The following CAMK2B variants were observed in gnomAD, a reference collection of about 807,000 sequenced individuals.
CAMK2B encodes calcium/calmodulin-dependent protein kinase type II subunit beta.
In CAMK2B, 27 loss-of-function variants were observed where a neutral mutation model predicts 93.7. The ratio of observed to expected loss-of-function variants is 0.29; its 90% CI spans 0.21 to 0.40. CAMK2B has a LOEUF of 0.40. Ranked by LOEUF, CAMK2B falls within the 10% of genes least tolerant of loss-of-function variation. The pLI is 1.00. For synonymous variants in CAMK2B, 374 were observed against 358.8 expected (o/e 1.04, Z -0.48); for missense variants, 568 against 895.8 (o/e 0.63, Z 4.67).
intron 1 of CAMK2B, among the ~76,000 whole-genome samples, chr7:44,316,311 G>A (rs961980990): frequency 3.9e-5 from 6 of 152,002 alleles, no homozygotes; most frequent in African/African-American, 7.2e-5. Context: ...TTCTATCAAC[G>A]TGGTGTATTA....
At position 44,224,764 on chromosome 7, in the gene CAMK2B, G is replaced by A. The variant is rs1041885816; in HGVS notation, c.1597+1752C>T. On this transcript the variant is annotated intron_variant, in intron 20 of 23. Transcript: ENST00000395749. The surrounding 1 kb of genome is among the most constrained non-coding windows in gnomAD (Gnocchi z 4.4). Reference sequence around the variant, plus strand: ...TAATCCGCGATTAGAGAGCGTGGGTGGGGAGGAGACGGGGCCTGAGGCGGG... The same window carrying A: ...TAATCCGCGATTAGAGAGCGTGGGTAGGGAGGAGACGGGGCCTGAGGCGGG... Among the ~76,000 whole-genome samples, 2 of 152,138 alleles carry A rather than the reference G, an allele frequency of 1.3e-5. No individual in the cohort carries two copies. The highest frequency in any genetic ancestry group is 1.9e-4 in the East Asian group (1 of 5,200).
chr7:44,304,377 G>A (rs1790882409), intron 1 of CAMK2B, among the ~76,000 whole-genome samples: 1 of 152,126 alleles, frequency 6.6e-6, no homozygotes, highest in Non-Finnish European at 1.5e-5. Context: ...ACAAACTGTG[G>A]TACATCCAGA....
intron 1 of CAMK2B, among the ~76,000 whole-genome samples, chr7:44,319,201 G>A (rs1795482478): frequency 6.6e-6 from 1 of 152,070 alleles, no homozygotes. Context: ...TAAATTTTTT[G>A]AAAATATATT....
chr7:44,303,321 G>GT (rs1790613939), intron 1 of CAMK2B, among the ~76,000 whole-genome samples: 2 of 152,272 alleles, frequency 1.3e-5, no homozygotes, highest in South Asian at 4.1e-4. Flanking sequence ...TCCAATGTCA[G>GT]TTTTTCCCAA....
intron 19 of CAMK2B, among the ~76,000 whole-genome samples, chr7:44,227,847 G>A (rs2096533301): frequency 8.2e-6 from 1 of 122,436 alleles, no homozygotes; most frequent in Admixed American, 8.1e-5. Context: ...GGAGGAAAAT[G>A]GAAATGAGGG....
Position 44,220,238 on chromosome 7 carries a change from C to A in CAMK2B, c.1825G>T (p.Val609Phe). Residue 609 changes from valine (V) to phenylalanine (F), a missense_variant, in exon 23 of 24, where the codon GTC becomes TTC. Val to Phe is a conservative substitution (Grantham distance 50). Around this residue, in one of 4 missense-constraint regions of CAMK2B, gnomAD observed 116 missense variants for 188.0 expected, o/e 0.62. Coordinates refer to ENST00000395749, the MANE Select transcript of CAMK2B (RefSeq NM_001220.5). ...HTTILNPHVH[V>F]IGEDAACIAY... Reference sequence around the variant, plus strand: ...ATGCAGGCGGCATCCTCTCCAATGACGTGCACGTGTGGGTTCAGGATGGTC... The same window carrying A: ...ATGCAGGCGGCATCCTCTCCAATGAAGTGCACGTGTGGGTTCAGGATGGTC... 1 of 1,613,330 alleles carries A rather than the reference C, an allele frequency of 6.2e-7. No homozygotes were observed. The highest frequency in any genetic ancestry group is 8.5e-7 in the Non-Finnish European group (1 of 1,179,970).
chr7:44,249,151 T>C (rs1369292522), intron 5 of CAMK2B, among the ~76,000 whole-genome samples: 1 of 152,214 alleles, frequency 6.6e-6, no homozygotes, highest in Admixed American at 6.5e-5. Context: ...TGCCCTCATC[T>C]GCCTGGACCA....
Position 44,226,564 on chromosome 7 carries a change from G to T in CAMK2B, c.1549C>A (p.Pro517Thr). The change falls in exon 20 of 24, where the codon CCC (proline) becomes ACC (threonine). Residue 517 changes from proline to threonine, a missense_variant. Around this residue, in one of 4 missense-constraint regions of CAMK2B, gnomAD observed 308 missense variants for 292.1 expected, o/e 1.05. Transcript: ENST00000395749. ...ATAGTCGGAGATGGGCAGGGCGGGG[G>T]CCCCACTGGCGAGGGGCCCTCGGCT... ...PEAEGPSPVG[P>T]PPCPSPTIPG... 6.8e-7 allele frequency: 1 copy of T among 1,469,020 alleles called. No homozygotes were observed. Among genetic ancestry groups the T allele is most frequent in the Non-Finnish European group, 9.0e-7 (1 of 1,117,240 alleles). 91.0% of individuals were successfully genotyped at this position (1,469,020 alleles called of 1,614,324 possible).
At chr7:44,305,099 T>A (rs904013508) in intron 1 of CAMK2B, among the ~76,000 whole-genome samples, 1 of 152,054 alleles carries the variant, frequency 6.6e-6, no homozygotes, top group Admixed American at 6.5e-5. Flanking sequence ...GGAAAAGGTG[T>A]TTCAGGGACT....
At chr7:44,314,967 GA>G (rs1794496416) in intron 1 of CAMK2B, among the ~76,000 whole-genome samples, 1 of 152,114 alleles carries the variant, frequency 6.6e-6, no homozygotes, top group African/African-American at 2.4e-5. Context: ...AAAGTATTCT[GA>G]ATACAAATTC....
intron 17 of CAMK2B, chr7:44,230,199 G>C (rs559257681): frequency 1.3e-5 from 2 of 152,316 alleles, no homozygotes; most frequent in Non-Finnish European, 2.9e-5. Context: ...CCCACTCTCC[G>C]GCATCCAGGG....
rs753537576 is a variant in CAMK2B at position 44,286,902 on chromosome 7, T to C, written c.66-2677A>G. Among the ~76,000 whole-genome samples the C allele has an allele frequency of 2.6e-5, 4 of 151,672 alleles. No individual in the cohort carries two copies. Among genetic ancestry groups the C allele is most frequent in the African/African-American group, 4.8e-5 (2 of 41,284 alleles). On this transcript the variant is annotated intron_variant, in intron 1 of 23. Coordinates refer to ENST00000395749, the MANE Select transcript of CAMK2B (RefSeq NM_001220.5). The surrounding 1 kb of genome is among the most constrained non-coding windows in gnomAD (Gnocchi z 4.0). ...ACCAGGCCGCACAGCTGTAGTGACA[T>C]AGGATGTGGCAGGCACAGTGCCAGG...
intron 2 of CAMK2B, among the ~76,000 whole-genome samples, chr7:44,273,922 G>A (rs529887024): frequency 4.1e-5 from 6 of 148,024 alleles, no homozygotes; most frequent in South Asian, 2.2e-4. Flanking sequence ...AGCACAGTCC[G>A]GGGCAAGCAC....
intron 4 of CAMK2B, among the ~76,000 whole-genome samples, chr7:44,255,131 G>A (rs1229557048): frequency 4.6e-5 from 7 of 152,056 alleles, no homozygotes; most frequent in Non-Finnish European, 1.0e-4. Flanking sequence ...CTAAAGACAC[G>A]GTGCCTAAAT....
chr7:44,229,363 C>T, intron 18 of CAMK2B, 25 bp downstream of exon 18: 2 of 1,472,044 alleles, frequency 1.4e-6, no homozygotes, highest in Non-Finnish European at 1.8e-6. Context: ...ATGACCCCCA[C>T]AGCAGCAGGA....
intron 1 of CAMK2B, among the ~76,000 whole-genome samples, chr7:44,303,071 T>A (rs1790524137): frequency 6.6e-6 from 1 of 152,132 alleles, no homozygotes; most frequent in Non-Finnish European, 1.5e-5. Context: ...GGATACCAGG[T>A]TAATATATAA....
chr7:44,295,416 A>G (rs1428067838), intron 1 of CAMK2B, among the ~76,000 whole-genome samples: 1 of 152,220 alleles, frequency 6.6e-6, no homozygotes, highest in African/African-American at 2.4e-5. Flanking sequence ...ACTTGCCATC[A>G]CTTCTCAGCC....
intron 20 of CAMK2B, among the ~76,000 whole-genome samples, chr7:44,223,936 G>A (rs146126939): frequency 6.6e-6 from 1 of 152,348 alleles, no homozygotes; most frequent in East Asian, 1.9e-4. Context: ...CAGCTGGAAT[G>A]GAGAAGAGAA....
At chr7:44,229,300 A>G in intron 18 of CAMK2B, 88 bp downstream of exon 18, 1 of 853,892 alleles carries the variant, frequency 1.2e-6, no homozygotes, top group African/African-American at 1.7e-5. Flanking sequence ...GTCCACGCTC[A>G]GCCTGCCCTC....
Sources: gnomAD v4.1 joint callset for allele counts (sites outside exome capture counted in the v4.1 genomes callset) on GRCh38, gnomAD v4.1.1 for gene constraint, gnomAD v4.1.1 regional missense constraint, Gnocchi (gnomAD v3.1) non-coding constraint, MANE v1.5 for transcripts, NCBI Gene and HGNC (gene_info 2026-07-23, HGNC 2026-07-21) for gene names.